SH3PXD2A: variants seen among roughly 807,000 people sequenced by gnomAD.
SH3PXD2A encodes the protein SH3 and PX domains 2A, also known as SH3 and PX domain-containing protein 2A.
Under a neutral mutation model 115.2 loss-of-function variants are expected in SH3PXD2A, and 32 were observed. That is an observed-to-expected ratio of 0.28 (90% CI 0.21 to 0.37). The LOEUF is 0.37. Among genes scored for constraint, SH3PXD2A ranks in the 10% least tolerant of loss-of-function variants. SH3PXD2A has a pLI of 1.00. For missense variants in SH3PXD2A, 1,328 were observed against 1,498.7 expected, an observed-to-expected ratio of 0.89 and a Z score of 1.88; for synonymous variants, 610 against 629.1, an observed-to-expected ratio of 0.97 and a Z score of 0.45.
At chr10:103,808,295 G>A (rs1056697766) in intron 1 of SH3PXD2A, among the ~76,000 whole-genome samples, 14 of 150,480 alleles carry the variant, frequency 9.3e-5, no homozygotes, top group South Asian at 2.1e-4. Flanking sequence ...TCTGTCACCC[G>A]GGGTGGAGTG....
intron 6 of SH3PXD2A, among the ~76,000 whole-genome samples, chr10:103,685,436 C>A (rs78272424): frequency 0.016 from 2,360 of 151,716 alleles, 76 homozygotes; most frequent in African/African-American, 0.054. Context: ...TGGGACAAGA[C>A]CACCTACCCT....
At chr10:103,644,446 G>A (rs1273893734) in intron 8 of SH3PXD2A, among the ~76,000 whole-genome samples, 3 of 151,972 alleles carry the variant, frequency 2.0e-5, no homozygotes, top group African/African-American at 7.3e-5. Context: ...ATTTAGCGGG[G>A]CATAGTGGTA....
chr10:103,602,849 C>T lies in SH3PXD2A; in HGVS notation c.2369G>A (p.Gly790Glu), dbSNP rs549957850. Reference sequence around the variant, plus strand: ...CTCACTCTTGGAGCCCTTGAGCCCTCCACGGAGCTGGCCTGTGGGTCTCAG... The same window carrying T: ...CTCACTCTTGGAGCCCTTGAGCCCTTCACGGAGCTGGCCTGTGGGTCTCAG... ...RQLRPTGQLRGGLKGSKSEDS... is the reference protein window; with the variant it reads ...RQLRPTGQLREGLKGSKSEDS... Residue 790 changes from glycine (G) to glutamate (E), a missense_variant, in exon 15 of 15, where the codon GGA (glycine) becomes GAA (glutamate). By Grantham distance (98) the Gly-to-Glu change is moderately conservative (BLOSUM62 -2). This residue lies in a region of SH3PXD2A where 574 missense variants were observed against 565.7 expected (regional missense o/e 1.01). Transcript: ENST00000369774. 8 of 1,614,160 alleles carry T rather than the reference C, an allele frequency of 5.0e-6. No homozygotes were observed. In the Admixed American group the frequency reaches 1.3e-4, roughly 27 times the overall value.
chr10:103,669,836 T>C (rs1290104870), intron 6 of SH3PXD2A, among the ~76,000 whole-genome samples: 1 of 152,264 alleles, frequency 6.6e-6, no homozygotes, highest in Non-Finnish European at 1.5e-5. Flanking sequence ...AGAGTACTGA[T>C]AAACAGCAGC....
intron 3 of SH3PXD2A, chr10:103,749,711 G>A (rs2038551447): frequency 6.6e-6 from 1 of 152,194 alleles, no homozygotes; most frequent in Non-Finnish European, 1.5e-5. Flanking sequence ...TGGATATTGT[G>A]GGAATAATCG....
chr10:103,766,677 A>T (rs2038757951), intron 3 of SH3PXD2A, among the ~76,000 whole-genome samples: 1 of 152,198 alleles, frequency 6.6e-6, no homozygotes, highest in Admixed American at 6.5e-5. Context: ...CTTCCATATA[A>T]GGTGACGTGA....
intron 5 of SH3PXD2A, among the ~76,000 whole-genome samples, chr10:103,718,008 C>CTTTA (rs2038127487): frequency 7.0e-6 from 1 of 143,520 alleles, no homozygotes; most frequent in South Asian, 2.3e-4. Context: ...TTCCATGTGT[C>CTTTA]TTTTTTTTTT....
At chr10:103,677,672 T>G (rs1402798647) in intron 6 of SH3PXD2A, among the ~76,000 whole-genome samples, 1 of 152,206 alleles carries the variant, frequency 6.6e-6, no homozygotes, top group Non-Finnish European at 1.5e-5. Flanking sequence ...AGCAAGCGCA[T>G]AGCGCATAGT....
intron 5 of SH3PXD2A, among the ~76,000 whole-genome samples, chr10:103,711,321 C>T (rs1303513727): frequency 6.6e-6 from 1 of 152,254 alleles, no homozygotes; most frequent in Non-Finnish European, 1.5e-5. Context: ...CTGTTGCCTG[C>T]ACCTACTGGC....
At chr10:103,668,099 C>G (rs965997628) in intron 7 of SH3PXD2A, among the ~76,000 whole-genome samples, 1 of 152,240 alleles carries the variant, frequency 6.6e-6, no homozygotes, top group African/African-American at 2.4e-5. Context: ...AGTGAGATCA[C>G]TGGAAATGAG....
In SH3PXD2A at chr10:103,612,918, G is replaced by A. The variant is rs574187550; in HGVS notation, c.1193C>T (p.Thr398Ile). The A allele has an allele frequency of 2.0e-5, 33 of 1,612,622 alleles. No homozygotes were observed. In the East Asian group the frequency reaches 7.1e-4, roughly 35 times the overall value. Residue 398 changes from threonine to isoleucine, a missense_variant, in exon 12 of 15, where the codon ACT becomes ATT. Physicochemically the swap from Thr to Ile is moderately conservative, Grantham distance 89. Around this residue, in one of 5 missense-constraint regions of SH3PXD2A, gnomAD observed 509 missense variants for 628.3 expected, o/e 0.81. Coordinates refer to ENST00000369774, the MANE Select transcript of SH3PXD2A (RefSeq NM_001394015.1). ...NGSAVGVPDR[T>I]VSRLAQGSPA... ...AGAGCCCTGGGCCAGCCTGGAGACA[G>A]TCCTGTCAGGAACGCCCACGGCACT... is the stretch of plus-strand genomic sequence containing the variant.
At chr10:103,816,997 A>ATTTAAT (rs71019693) in intron 1 of SH3PXD2A, among the ~76,000 whole-genome samples, 1 of 99,606 alleles carries the variant, frequency 1.0e-5, no homozygotes, top group African/African-American at 3.8e-5. Flanking sequence ...CACCCGGCTA[A>ATTTAAT]TTTTTTTTTT....
intron 4 of SH3PXD2A, among the ~76,000 whole-genome samples, chr10:103,725,487 C>T (rs1247012992): frequency 6.6e-6 from 1 of 152,050 alleles, no homozygotes; most frequent in Non-Finnish European, 1.5e-5. Context: ...GTCATCCAGG[C>T]ATGGGGAGAG....
In SH3PXD2A at chr10:103,602,142, C is replaced by A; in HGVS notation, c.3076G>T (p.Ala1026Ser). The A allele has an allele frequency of 6.3e-7, 1 of 1,577,258 alleles. No individual in the cohort carries two copies. The highest frequency in any genetic ancestry group is 1.3e-5 in the African/African-American group (1 of 74,160). The change falls in exon 15 of 15, where the codon GCC becomes TCC. Residue 1026 changes from alanine to serine, a missense_variant. Transcript: ENST00000369774. Reference sequence around the variant, plus strand: ...TCGGCCAGGCGGCCCTTGGCCTCGGCGGCAGCGGAGCGAGCAGTGCTAAAG... The same window carrying A: ...TCGGCCAGGCGGCCCTTGGCCTCGGAGGCAGCGGAGCGAGCAGTGCTAAAG... ...SSFSTARSAA[A>S]EAKGRLAERA...
At chr10:103,772,193 G>A (rs375442714) in intron 2 of SH3PXD2A, among the ~76,000 whole-genome samples, 1 of 152,194 alleles carries the variant, frequency 6.6e-6, no homozygotes, top group African/African-American at 2.4e-5. Context: ...ATCGGCGGGC[G>A]GTGAGAGACA....
intron 2 of SH3PXD2A, among the ~76,000 whole-genome samples, chr10:103,799,881 A>G (rs1176804109): frequency 6.6e-6 from 1 of 152,182 alleles, no homozygotes; most frequent in African/African-American, 2.4e-5. Context: ...TCCCATATTC[A>G]ATGGGATATT....
chr10:103,805,749 C>T (rs57717780), intron 1 of SH3PXD2A, among the ~76,000 whole-genome samples: 9 of 151,964 alleles, frequency 5.9e-5, no homozygotes, highest in South Asian at 4.2e-4. Flanking sequence ...AAGGGCAGGG[C>T]GCAGTGGCTC....
At chr10:103,748,968 CTTCT>C (rs545721967) in intron 3 of SH3PXD2A, among the ~76,000 whole-genome samples, 36 of 151,640 alleles carry the variant, frequency 2.4e-4, no homozygotes, top group Non-Finnish European at 4.1e-4. Context: ...TTCTTTCTTT[CTTCT>C]TTCTTTTTTT....
chr10:103,752,286 T>C (rs1203546205), intron 3 of SH3PXD2A, among the ~76,000 whole-genome samples: 1 of 152,244 alleles, frequency 6.6e-6, no homozygotes, highest in Non-Finnish European at 1.5e-5. Context: ...AGGACTCCTG[T>C]TCTCCTAAAA....
Sources: gnomAD v4.1 joint callset for allele counts (sites outside exome capture counted in the v4.1 genomes callset) on GRCh38, gnomAD v4.1.1 for gene constraint, gnomAD v4.1.1 regional missense constraint, MANE v1.5 for transcripts, NCBI Gene and HGNC (gene_info 2026-07-23, HGNC 2026-07-21) for gene names.